The following CFAP54 variants were observed in gnomAD, a reference collection of about 807,000 sequenced individuals.
The protein encoded by CFAP54 is cilia- and flagella-associated protein 54.
A neutral mutation model predicts 370.4 loss-of-function variants in CFAP54; 290 were observed. The ratio of observed to expected loss-of-function variants is 0.78; its 90% confidence interval spans 0.71 to 0.86. The LOEUF (loss-of-function observed/expected upper bound fraction) is 0.86, where lower values mean the gene tolerates loss of function less well. Ranked by LOEUF, CFAP54 falls within the 40% of genes least tolerant of loss-of-function variation. The pLI, the probability that CFAP54 is intolerant of heterozygous loss-of-function variation, is 0.00. For missense variants in CFAP54, 3,399 were observed against 3,528.7 expected (o/e 0.96, Z 0.93); for synonymous variants, 1,206 against 1,236.5 (o/e 0.98, Z 0.52).
intron 64 of CFAP54, among the ~76,000 whole-genome samples, chr12:96,815,766 A>G (rs1958968549): frequency 6.6e-6 from 1 of 152,208 alleles, no homozygotes; most frequent in Non-Finnish European, 1.5e-5. Context: ...GTCCAGTTTC[A>G]GTTTTCTGCA....
intron 26 of CFAP54, among the ~76,000 whole-genome samples, chr12:96,618,701 G>A (rs576207731): frequency 1.3e-5 from 2 of 152,316 alleles, no homozygotes; most frequent in African/African-American, 4.8e-5. Context: ...ACCCAGTGGA[G>A]GTTGACGTCC....
chr12:96,506,589 C>CTTTTTTTTTTT (rs71068809), intron 3 of CFAP54, among the ~76,000 whole-genome samples: 2 of 130,886 alleles, frequency 1.5e-5, no homozygotes, highest in Non-Finnish European at 1.6e-5. Context: ...CTTTTCTTTT[C>CTTTTTTTTTTT]TTTTTTTTTT....
At chr12:96,782,800 TG>T (rs2136691546) in intron 60 of CFAP54, among the ~76,000 whole-genome samples, 1 of 152,314 alleles carries the variant, frequency 6.6e-6, no homozygotes, top group East Asian at 1.9e-4. Context: ...AACAACCTAG[TG>T]ATTCCACATC....
chr12:96,805,929 G>C (rs1220432046), intron 63 of CFAP54, among the ~76,000 whole-genome samples: 5 of 151,442 alleles, frequency 3.3e-5, no homozygotes, highest in African/African-American at 9.7e-5. Flanking sequence ...GATGTAACTG[G>C]AGGCCATTAT....
At chr12:96,495,834 G>T (rs1372783358) in intron 1 of CFAP54, among the ~76,000 whole-genome samples, 1 of 152,034 alleles carries the variant, frequency 6.6e-6, no homozygotes, top group Non-Finnish European at 1.5e-5. Flanking sequence ...AATCTTGATT[G>T]ATTTAACAAA....
intron 64 of CFAP54, among the ~76,000 whole-genome samples, chr12:96,813,344 C>A (rs1958944992): frequency 1.3e-5 from 2 of 152,090 alleles, no homozygotes; most frequent in Non-Finnish European, 1.5e-5. Flanking sequence ...TCCTGGGTGG[C>A]ATTCCTTGTG....
intron 67 of CFAP54, among the ~76,000 whole-genome samples, chr12:96,861,734 T>C (rs1401039823): frequency 2.0e-5 from 3 of 152,228 alleles, no homozygotes; most frequent in Non-Finnish European, 4.4e-5. Flanking sequence ...GATTGCTGTG[T>C]GTATTAATTA....
At chr12:96,819,037 G>A (rs760924495) in intron 65 of CFAP54, among the ~76,000 whole-genome samples, 10 of 152,128 alleles carry the variant, frequency 6.6e-5, no homozygotes, top group Non-Finnish European at 1.0e-4. Context: ...GGCTTAAAAC[G>A]AAAAAAGGCA....
At chr12:96,682,874 C>T (rs954504500) in intron 40 of CFAP54, among the ~76,000 whole-genome samples, 1 of 152,208 alleles carries the variant, frequency 6.6e-6, no homozygotes, top group Non-Finnish European at 1.5e-5. Flanking sequence ...CTAGGCCACC[C>T]TTCTCTTTAT....
At chr12:96,650,658 A>G (rs1446858143) in intron 35 of CFAP54, among the ~76,000 whole-genome samples, 2 of 152,108 alleles carry the variant, frequency 1.3e-5, no homozygotes, top group East Asian at 1.9e-4. Flanking sequence ...TTTTCACAGC[A>G]GGAAGGGCAT....
chr12:96,517,643 G>A (rs114386226), intron 5 of CFAP54, among the ~76,000 whole-genome samples: 3,951 of 152,216 alleles, frequency 0.026, 121 homozygotes, highest in African/African-American at 0.071. Context: ...CACAACAATA[G>A]CAATGACAGC....
chr12:96,600,628 G>T (rs1373885910), intron 26 of CFAP54, among the ~76,000 whole-genome samples: 1 of 152,142 alleles, frequency 6.6e-6, no homozygotes, highest in African/African-American at 2.4e-5. Flanking sequence ...AGCATGGAAT[G>T]TTCTTCCATT....
intron 32 of CFAP54, among the ~76,000 whole-genome samples, chr12:96,634,401 G>A (rs1023521916): frequency 6.6e-6 from 1 of 151,962 alleles, no homozygotes; most frequent in Non-Finnish European, 1.5e-5. Context: ...CCTCTTTAGT[G>A]AAATATCTGT....
At position 96,623,802 on chromosome 12, in the gene CFAP54, A is replaced by C; in HGVS notation, c.3807A>C (p.Pro1269=). ...AGAAGTCTTTAAAGACTAAGAAGCC[A>C]CAGCAGATACTACTGCCTGAAAAGA... ...SSKKSLKTKK[P]QQILLPEKIN... The change falls in exon 28 of 68, where the codon CCA becomes CCC. Residue 1269 remains proline, a synonymous_variant. Coordinates refer to ENST00000524981, the MANE Select transcript of CFAP54 (RefSeq NM_001306084.2). The C allele has an allele frequency of 6.5e-7, 1 of 1,535,434 alleles. No individual in the cohort carries two copies. Among genetic ancestry groups the C allele is most frequent in the Non-Finnish European group, 8.7e-7 (1 of 1,146,402 alleles).
At chr12:96,841,581 T>G (rs1815068886) in intron 66 of CFAP54, among the ~76,000 whole-genome samples, 1 of 152,230 alleles carries the variant, frequency 6.6e-6, no homozygotes, top group Admixed American at 6.5e-5. Context: ...CCTTGTTGAC[T>G]TTGGGCATTA....
At chr12:96,790,872 TTTTTC>T (rs1262834036) in intron 62 of CFAP54, among the ~76,000 whole-genome samples, 1 of 152,218 alleles carries the variant, frequency 6.6e-6, no homozygotes. Flanking sequence ...GTCAAAACAT[TTTTTC>T]TTTTATCAGT....
At position 96,630,164 on chromosome 12, in the gene CFAP54, A is replaced by G. The variant is rs1020194942; in HGVS notation, c.4175A>G (p.Lys1392Arg). ...AGTGCTTTGAATAAAAAAGCAAACA[A>G]ATCTTTAAAGTTCAAAGCTGCAGTA... ...KDSALNKKAN[K>R]SLKFKAAVME... Residue 1392 changes from lysine to arginine, a missense_variant, in exon 31 of 68, where the codon AAA (lysine) becomes AGA (arginine). This residue lies in a region of CFAP54 where 2,796 missense variants were observed against 2,869.7 expected (regional missense o/e 0.97). Transcript: ENST00000524981. 4 of 1,505,058 alleles carry G rather than the reference A, an allele frequency of 2.7e-6. No homozygotes were observed. The Admixed American group carries it at 8.1e-5, about 31-fold the overall frequency. The allele number at this position is 1,505,058 out of a possible 1,614,324, so 93.2% of individuals were successfully genotyped here. A position where few individuals can be genotyped will look rare whatever the true frequency, so the allele number is the denominator to read the frequency against.
chr12:96,661,949 G>A (rs2136519049), intron 38 of CFAP54, among the ~76,000 whole-genome samples: 1 of 152,212 alleles, frequency 6.6e-6, no homozygotes, highest in Admixed American at 6.5e-5. Flanking sequence ...TCCTGTCCTG[G>A]CTGCCAGACA....
At chr12:96,668,671 T>C (rs1293774365) in intron 39 of CFAP54, among the ~76,000 whole-genome samples, 2 of 152,164 alleles carry the variant, frequency 1.3e-5, no homozygotes, top group Admixed American at 6.5e-5. Flanking sequence ...TAAGCCCTTT[T>C]GGAATGTTTT....
Sources: gnomAD v4.1 joint callset for allele counts (sites outside exome capture counted in the v4.1 genomes callset) on GRCh38, gnomAD v4.1.1 for gene constraint, gnomAD v4.1.1 regional missense constraint, MANE v1.5 for transcripts, NCBI Gene and HGNC (gene_info 2026-07-23, HGNC 2026-07-21) for gene names.